The following TNRC6C variants were observed in gnomAD, a reference collection of about 807,000 sequenced individuals.
The protein encoded by TNRC6C is trinucleotide repeat containing adaptor 6C.
TNRC6C carries 20 observed loss-of-function variants against 153.7 expected under a neutral mutation model. The observed-to-expected ratio is 0.13, with a 90% CI of 0.09 to 0.19. The LOEUF (loss-of-function observed/expected upper bound fraction) is 0.19. TNRC6C is among the 10% of genes least tolerant of loss of function. TNRC6C has a pLI of 1.00. For missense variants in TNRC6C, 1,987 were observed against 2,172.0 expected (o/e 0.91, Z 1.69); for synonymous variants, 811 against 841.4 (o/e 0.96, Z 0.63).
chr17:77,987,700 GTC>G (rs959059400), intron 1 of TNRC6C, among the ~76,000 whole-genome samples: 17 of 152,108 alleles, frequency 1.1e-4, no homozygotes, highest in African/African-American at 4.1e-4. Flanking sequence ...TGGAGACAGA[GTC>G]TCTCTCTGTC....
intron 1 of TNRC6C, among the ~76,000 whole-genome samples, chr17:77,982,970 A>G (rs758224066): frequency 1.3e-5 from 2 of 152,226 alleles, no homozygotes; most frequent in Non-Finnish European, 2.9e-5. Flanking sequence ...AGAAATATGT[A>G]TGCACCTAAT....
intron 5 of TNRC6C, 97 bp downstream of exon 7, chr17:78,068,020 G>A (rs897298343): frequency 2.1e-6 from 3 of 1,430,440 alleles, no homozygotes; most frequent in Admixed American, 5.2e-5. Context: ...ATAGACCTGA[G>A]GTTCTCAAAG....
intron 14 of TNRC6C, among the ~76,000 whole-genome samples, chr17:78,092,712 C>G (rs1311189928): frequency 1.3e-5 from 2 of 151,832 alleles, no homozygotes; most frequent in Non-Finnish European, 2.9e-5. Flanking sequence ...CCAGCCTGGG[C>G]CACAGAGTGA....
chr17:78,095,921 C>A (rs1027365829), intron 16 of TNRC6C, among the ~76,000 whole-genome samples: 10 of 152,098 alleles, frequency 6.6e-5, no homozygotes, highest in African/African-American at 2.2e-4. Context: ...TGTGGTGGCA[C>A]ACGTCAGTGG....
chr17:78,045,845 A>G (rs951223491), intron 2 of TNRC6C, among the ~76,000 whole-genome samples: 1 of 151,880 alleles, frequency 6.6e-6, no homozygotes, highest in Non-Finnish European at 1.5e-5. Flanking sequence ...AAGAAAGTAT[A>G]TAGAAAATAA....
At chr17:78,086,900 G>A (rs1289514594) in exon 13 of TNRC6C, 4 of 1,612,408 alleles carry the variant, frequency 2.5e-6, no homozygotes, top group South Asian at 1.1e-5. Context: ...AGCAGCACCA[G>A]CGCCAGCTGG....
intron 17 of TNRC6C, among the ~76,000 whole-genome samples, chr17:78,102,033 T>G (rs1160443845): frequency 6.6e-6 from 1 of 152,174 alleles, no homozygotes; most frequent in Non-Finnish European, 1.5e-5. Context: ...CCGTATCAGA[T>G]AGTTGGAAAG....
intron 2 of TNRC6C, among the ~76,000 whole-genome samples, chr17:78,043,431 T>C (rs2072341058): frequency 6.6e-6 from 1 of 152,170 alleles, no homozygotes; most frequent in Non-Finnish European, 1.5e-5. Context: ...TTTTTATAAT[T>C]TTTTTTATTT....
intron 1 of TNRC6C, among the ~76,000 whole-genome samples, chr17:77,997,814 C>T (rs1013985163): frequency 4.6e-5 from 7 of 152,064 alleles, no homozygotes; most frequent in African/African-American, 1.2e-4. Context: ...GCCACCGCGC[C>T]TGGCTAATTT....
intron 1 of TNRC6C, among the ~76,000 whole-genome samples, chr17:77,962,243 G>T (rs1263715532): frequency 6.6e-6 from 1 of 152,170 alleles, no homozygotes; most frequent in African/African-American, 2.4e-5. Context: ...AACCTTTTAA[G>T]ATTGAAAAAC....
chr17:78,029,272 C>T (rs2072010569), intron 1 of TNRC6C, among the ~76,000 whole-genome samples: 1 of 152,080 alleles, frequency 6.6e-6, no homozygotes, highest in Admixed American at 6.6e-5. Flanking sequence ...AAAAATGCAC[C>T]GTTAGGCTGT....
intron 7 of TNRC6C, among the ~76,000 whole-genome samples, chr17:78,073,967 C>T (rs1170515995): frequency 6.6e-6 from 1 of 152,168 alleles, no homozygotes; most frequent in Non-Finnish European, 1.5e-5. Flanking sequence ...TGAGTACTTT[C>T]TGAGCAGCCG....
intron 1 of TNRC6C, among the ~76,000 whole-genome samples, chr17:77,973,333 C>G (rs2070956002): frequency 6.6e-6 from 1 of 152,176 alleles, no homozygotes; most frequent in Non-Finnish European, 1.5e-5. Flanking sequence ...TAAAAGAGAG[C>G]TGCTTCAACT....
intron 10 of TNRC6C, 96 bp from the exon 13 acceptor site, chr17:78,082,951 T>C: frequency 1.4e-6 from 2 of 1,451,928 alleles, no homozygotes; most frequent in Admixed American, 2.1e-5. Context: ...CCCTACAAAT[T>C]ATCATTTAAT....
intron 3 of TNRC6C, among the ~76,000 whole-genome samples, chr17:78,056,498 C>G (rs1567942403): frequency 1.3e-5 from 2 of 150,182 alleles, no homozygotes; most frequent in Non-Finnish European, 3.0e-5. Context: ...GAGTCTTGCT[C>G]TGTTGCCCAG....
At position 78,050,596 on chromosome 17, in the gene TNRC6C, G is replaced by A. The variant is rs374030683; in HGVS notation, c.1534G>A (p.Ala512Thr). The A allele has an allele frequency of 2.5e-5, 39 of 1,588,096 alleles. No homozygotes were observed. Among genetic ancestry groups the A allele is most frequent in the Admixed American group, 5.2e-5 (3 of 57,612 alleles). ...CTCTTCAGTATCTGGGTGGGTCAAC[G>A]CGCCACCTGCCGCTGTGCCAGCAAA... The change falls in exon 3 of 20, where the codon GCG becomes ACG. Residue 512 changes from alanine (A) to threonine (T), a missense_variant. Ala to Thr is a moderately conservative substitution (Grantham distance 58). Transcript: ENST00000301624.
intron 1 of TNRC6C, among the ~76,000 whole-genome samples, chr17:78,013,711 A>G (rs530607839): frequency 6.6e-5 from 10 of 152,146 alleles, no homozygotes; most frequent in South Asian, 2.1e-4. Flanking sequence ...GGAAGGTATC[A>G]TTGAATCTGA....
chr17:78,057,071 T>C (rs1364960887), intron 3 of TNRC6C, among the ~76,000 whole-genome samples: 2 of 152,194 alleles, frequency 1.3e-5, no homozygotes, highest in Non-Finnish European at 2.9e-5. Context: ...GTTTTACCAA[T>C]TAAAAGAGAC....
intron 1 of TNRC6C, among the ~76,000 whole-genome samples, chr17:78,018,401 T>G (rs1367619779): frequency 6.6e-6 from 1 of 152,202 alleles, no homozygotes; most frequent in Non-Finnish European, 1.5e-5. Context: ...AGTGCTGGGA[T>G]TATAGGCGTG....
Sources: allele counts gnomAD v4.1 joint callset (sites outside exome capture counted in the v4.1 genomes callset), GRCh38; gene constraint gnomAD v4.1.1; transcripts MANE v1.5; gene names NCBI Gene and HGNC (gene_info 2026-07-23, HGNC 2026-07-21).